Variants in GMPS observed in about 807,000 individuals in gnomAD.
GMPS encodes the protein GMP synthase [glutamine-hydrolyzing].
GMPS carries 15 observed loss-of-function variants against 77.9 expected under a neutral mutation model. The observed-to-expected ratio is 0.19, with a 90% CI of 0.13 to 0.30. GMPS has a LOEUF of 0.30. Ranked by LOEUF, GMPS falls within the 10% of genes least tolerant of loss-of-function variation. The pLI is 1.00. For synonymous variants in GMPS, 224 were observed against 275.9 expected, an observed-to-expected ratio of 0.81 and a Z score of 1.86; for missense variants, 590 against 838.8, an observed-to-expected ratio of 0.70 and a Z score of 3.66.
At chr3:155,881,307 G>A (rs949919844) in intron 1 of GMPS, among the ~76,000 whole-genome samples, 4 of 151,686 alleles carry the variant, frequency 2.6e-5, no homozygotes, top group Non-Finnish European at 5.9e-5. Context: ...CAAGTAGCTG[G>A]GATTACAGGC....
chr3:155,924,634 G>A (rs921629616), intron 11 of GMPS, among the ~76,000 whole-genome samples: 2 of 152,078 alleles, frequency 1.3e-5, no homozygotes, highest in African/African-American at 4.8e-5. Flanking sequence ...AGGAGTAAGA[G>A]TAAAAAATGG....
rs34327298 is a variant in GMPS at position 155,888,208 on chromosome 3, CTT to C, written c.28-5294_28-5293del. Among the ~76,000 whole-genome samples the C allele has an allele frequency of 5.3e-3, 715 of 134,828 alleles. 4 individuals are homozygous for C. Among genetic ancestry groups the C allele is most frequent in the Middle Eastern group, 0.011 (3 of 264 alleles). 88.5% of individuals were successfully genotyped at this position (134,828 alleles called of 152,430 possible). A position where few individuals can be genotyped will look rare whatever the true frequency, so the allele number is the denominator to read the frequency against. On this transcript the variant is annotated intron_variant, in intron 1 of 15. Coordinates refer to ENST00000496455, the MANE Select transcript of GMPS (RefSeq NM_003875.3). The stretch of plus-strand genomic sequence containing the variant: ...GCTTTTAATCTAAAATACCCAAAGG[CTT>C]TTTTTTTTTTTTTTTAATCCAGTAA...
intron 7 of GMPS, 89 bp from the exon 8 acceptor site, chr3:155,914,329 GA>G (rs1233272863): frequency 1.7e-5 from 16 of 963,186 alleles, no homozygotes; most frequent in Non-Finnish European, 2.2e-5. Context: ...GACTGGGAAA[GA>G]AATAGCTTTT....
intron 1 of GMPS, among the ~76,000 whole-genome samples, chr3:155,887,031 T>C (rs150167919): frequency 3.9e-5 from 6 of 152,334 alleles, no homozygotes; most frequent in Non-Finnish European, 7.3e-5. Context: ...ATTTAAGATA[T>C]ATTGTAATTT....
At chr3:155,903,549 G>C (rs1754785234) in intron 3 of GMPS, among the ~76,000 whole-genome samples, 1 of 152,218 alleles carries the variant, frequency 6.6e-6, no homozygotes, top group African/African-American at 2.4e-5. Flanking sequence ...TCAGGTGTAA[G>C]TAATTAAGAT....
chr3:155,883,424 G>T (rs1316945807), intron 1 of GMPS, among the ~76,000 whole-genome samples: 1 of 152,056 alleles, frequency 6.6e-6, no homozygotes, highest in Non-Finnish European at 1.5e-5. Context: ...AATATTTTAG[G>T]AATAGTGATC....
chr3:155,926,244 C>G (rs1755452181), intron 12 of GMPS, among the ~76,000 whole-genome samples: 1 of 152,286 alleles, frequency 6.6e-6, no homozygotes, highest in East Asian at 1.9e-4. Context: ...AAATTCTGGC[C>G]TCAAGTGATC....
intron 1 of GMPS, among the ~76,000 whole-genome samples, chr3:155,889,989 G>GT (rs1754425378): frequency 6.6e-6 from 1 of 152,106 alleles, no homozygotes; most frequent in Non-Finnish European, 1.5e-5. Flanking sequence ...CATTAGGATG[G>GT]TTTTTCTAAT....
Position 155,937,941 on chromosome 3 carries a change from C to T in GMPS, c.*249C>T. On this transcript the variant is annotated 3_prime_UTR_variant, in exon 16 of 16. Transcript: ENST00000496455. ...CAGATTGATACTGCTTTTGCCTTTG[C>T]CTCACTTATTCTTTATGTATAAATT... 1 of 380,322 alleles carries T rather than the reference C, an allele frequency of 2.6e-6. No individual in the cohort carries two copies. 23.6% of individuals were successfully genotyped at this position (380,322 alleles called of 1,614,324 possible).
intron 3 of GMPS, among the ~76,000 whole-genome samples, chr3:155,898,273 T>TA (rs1296957873): frequency 2.6e-5 from 4 of 152,162 alleles, no homozygotes; most frequent in Non-Finnish European, 4.4e-5. Context: ...ACTATCCATT[T>TA]AAAAAAACCT....
At chr3:155,925,400 C>A in intron 12 of GMPS, 34 bp downstream of exon 12, 1 of 1,249,172 alleles carries the variant, frequency 8.0e-7, no homozygotes, top group Non-Finnish European at 1.1e-6. Flanking sequence ...CAGTGATATA[C>A]TTTTTTTTTT....
At position 155,911,295 on chromosome 3, in the gene GMPS, A is replaced by C; in HGVS notation, c.886+16A>C. ...CAGGTCAAAGGTATTGAAGAACCTC[A>C]GAAAAGTTAACTTACATGTTAGGAC... On this transcript the variant is annotated intron_variant, in intron 7 of 15. Coordinates refer to ENST00000496455, the MANE Select transcript of GMPS (RefSeq NM_003875.3). 6.4e-7 allele frequency: 1 copy of C among 1,555,514 alleles called. No individual in the cohort carries two copies. The highest frequency in any genetic ancestry group is 8.7e-7 in the Non-Finnish European group (1 of 1,145,164).
At chr3:155,915,572 T>C (rs1039772100) in intron 8 of GMPS, among the ~76,000 whole-genome samples, 2 of 152,184 alleles carry the variant, frequency 1.3e-5, no homozygotes, top group African/African-American at 4.8e-5. Flanking sequence ...CGGCTAGTTT[T>C]TGTATTTTTA....
chr3:155,933,178 C>T (rs542689524), intron 13 of GMPS, among the ~76,000 whole-genome samples: 7 of 151,494 alleles, frequency 4.6e-5, no homozygotes, highest in East Asian at 3.9e-4. Flanking sequence ...GGCGACAGAG[C>T]GAGACTTCAT....
At chr3:155,921,415 T>C (rs1391478719) in intron 10 of GMPS, among the ~76,000 whole-genome samples, 1 of 152,222 alleles carries the variant, frequency 6.6e-6, no homozygotes, top group African/African-American at 2.4e-5. Context: ...TCTTTATGTA[T>C]ATGTTGGAAA....
chr3:155,908,324 T>C (rs1238743892), intron 5 of GMPS, among the ~76,000 whole-genome samples: 1 of 152,222 alleles, frequency 6.6e-6, no homozygotes, highest in African/African-American at 2.4e-5. Context: ...CCTGTTCCTG[T>C]GTGGTGACCT....
At chr3:155,874,532 A>G (rs1753983417) in intron 1 of GMPS, among the ~76,000 whole-genome samples, 1 of 152,188 alleles carries the variant, frequency 6.6e-6, no homozygotes, top group South Asian at 2.1e-4. Flanking sequence ...TTTTTCTTAG[A>G]TAAAAGTTAG....
intron 1 of GMPS, among the ~76,000 whole-genome samples, chr3:155,872,143 A>G (rs1322477377): frequency 6.6e-6 from 1 of 152,216 alleles, no homozygotes; most frequent in Non-Finnish European, 1.5e-5. Flanking sequence ...GTTCAGGCAG[A>G]ATTTTAACAT....
chr3:155,920,583 A>AG (rs1422626224), intron 10 of GMPS, among the ~76,000 whole-genome samples: 20 of 148,884 alleles, frequency 1.3e-4, no homozygotes, highest in African/African-American at 5.1e-4. Context: ...TTAAAAAAAA[A>AG]AAAAAAGAAA....
Sources: allele counts gnomAD v4.1 joint callset (sites outside exome capture counted in the v4.1 genomes callset), GRCh38; gene constraint gnomAD v4.1.1; transcripts MANE v1.5; gene names NCBI Gene and HGNC (gene_info 2026-07-23, HGNC 2026-07-21).